Variants in WDR3 observed in about 807,000 individuals in gnomAD.
WDR3 encodes WD repeat domain 3.
Under a neutral mutation model 123.7 loss-of-function variants are expected in WDR3, and 81 were observed. That is an observed-to-expected ratio of 0.65 (90% CI 0.55 to 0.79). The LOEUF is 0.79. Ranked by LOEUF, WDR3 falls within the 30% of genes least tolerant of loss-of-function variation. The pLI is 0.00. For synonymous variants in WDR3, 390 were observed against 388.8 expected (o/e 1.00, Z -0.04); for missense variants, 1,027 against 1,123.2 (o/e 0.91, Z 1.22).
At chr1:117,954,897 G>A (rs115284676) in intron 23 of WDR3, among the ~76,000 whole-genome samples, 126 of 152,202 alleles carry the variant, frequency 8.3e-4, no homozygotes, top group African/African-American at 2.9e-3. Context: ...AAAGCCCTCT[G>A]AAGATTCTGT....
intron 25 of WDR3, among the ~76,000 whole-genome samples, chr1:117,958,078 G>C (rs770169214): frequency 1.3e-5 from 2 of 152,156 alleles, no homozygotes; most frequent in Non-Finnish European, 2.9e-5. Context: ...AGAGAACAGG[G>C]ATGGAGACAA....
In WDR3 at chr1:117,940,932, C is replaced by G; in HGVS notation, c.781C>G (p.Pro261Ala). 1.9e-6 allele frequency: 3 copies of G among 1,608,786 alleles called. No homozygotes were observed. The highest frequency in any genetic ancestry group is 2.5e-6 in the Non-Finnish European group (3 of 1,178,642). The change falls in exon 7 of 27, where the codon CCT becomes GCT. Residue 261 changes from proline to alanine, a missense_variant. Physicochemically the swap from Pro to Ala is conservative, Grantham distance 27 (BLOSUM62 -1). Transcript: ENST00000349139. ...EDGAFETDEAPEDRILSCRKA... is the reference protein window; with the variant it reads ...EDGAFETDEAAEDRILSCRKA... ...TGGTGCCTTTGAGACGGATGAAGCCCCTGAGGATGTAATTCATTTTCATTT... is the reference window on the plus strand; with the variant it reads ...TGGTGCCTTTGAGACGGATGAAGCCGCTGAGGATGTAATTCATTTTCATTT...
At chr1:117,934,086 C>T (rs1650832129) in intron 2 of WDR3, among the ~76,000 whole-genome samples, 1 of 152,100 alleles carries the variant, frequency 6.6e-6, no homozygotes. Flanking sequence ...TACTCTGTTG[C>T]CACACAGATT....
chr1:117,933,542 A>T, intron 2 of WDR3, 52 bp downstream of exon 2: 1 of 1,606,902 alleles, frequency 6.2e-7, no homozygotes, highest in Non-Finnish European at 8.5e-7. Context: ...TTGAGGATGG[A>T]GAGGTAGTAG....
chr1:117,932,134 A>C (rs1209501472), intron 1 of WDR3, among the ~76,000 whole-genome samples: 1 of 152,182 alleles, frequency 6.6e-6, no homozygotes, highest in Non-Finnish European at 1.5e-5. Context: ...TATCTCCTTC[A>C]TTCACCTCTT....
intron 9 of WDR3, 52 bp downstream of exon 9, chr1:117,941,899 A>C (rs1156264455): frequency 6.6e-7 from 1 of 1,509,588 alleles, no homozygotes; most frequent in Non-Finnish European, 8.8e-7. Context: ...GGTAGGCCCC[A>C]TGTTACTGAA....
At chr1:117,951,749 C>T (rs1177787466) in intron 16 of WDR3, among the ~76,000 whole-genome samples, 1 of 152,064 alleles carries the variant, frequency 6.6e-6, no homozygotes, top group African/African-American at 2.4e-5. Context: ...TGCCCTGTGA[C>T]AGTACGAAAG....
In WDR3 at chr1:117,940,745, A is replaced by G; in HGVS notation, c.676-82A>G. The stretch of plus-strand genomic sequence containing the variant: ...TCTGTCTCCGACAACAACAACAACA[A>G]CAACAAAACAACAACAACAACAACA... On this transcript the variant is annotated intron_variant, in intron 6 of 26. Transcript: ENST00000349139. 1.2e-5 allele frequency: 16 copies of G among 1,280,796 alleles called. No homozygotes were observed. In the South Asian group the frequency reaches 2.2e-4, roughly 18 times the overall value. The allele number at this position is 1,280,796 out of a possible 1,614,324, so 79.3% of individuals were successfully genotyped here.
At chr1:117,943,677 T>C in intron 11 of WDR3, 51 bp downstream of exon 11, 1 of 1,496,548 alleles carries the variant, frequency 6.7e-7, no homozygotes, top group Non-Finnish European at 9.1e-7. Flanking sequence ...TTTCTTTTAA[T>C]TTTTTTTGGT....
At chr1:117,943,994 C>T (rs1456121773) in intron 11 of WDR3, among the ~76,000 whole-genome samples, 2 of 152,148 alleles carry the variant, frequency 1.3e-5, no homozygotes, top group Non-Finnish European at 2.9e-5. Flanking sequence ...TACCTTGCTT[C>T]TGTTGTCAAA....
chr1:117,937,684 T>C (rs1393037703), intron 4 of WDR3, among the ~76,000 whole-genome samples: 1 of 152,198 alleles, frequency 6.6e-6, no homozygotes, highest in East Asian at 1.9e-4. Flanking sequence ...ACGGACTTTG[T>C]AAATCAGGTT....
chr1:117,964,102 G>T lies in WDR3; in HGVS notation c.*4655G>T. The T allele has an allele frequency of 1.5e-6, 1 of 669,186 alleles. No individual in the cohort carries two copies. Among genetic ancestry groups the T allele is most frequent in the Non-Finnish European group, 2.5e-6 (1 of 405,694 alleles). 41.5% of individuals were successfully genotyped at this position (669,186 alleles called of 1,614,324 possible). A position where few individuals can be genotyped will look rare whatever the true frequency, so the allele number is the denominator to read the frequency against. On this transcript the variant is annotated 3_prime_UTR_variant, in exon 27 of 27. Transcript: ENST00000349139. ...TCTGCATGCTCAGGCTTGGGGGTTA[G>T]AGGATGGATATGCCAATGTCTAGAA...
Position 117,933,342 on chromosome 1 carries a change from T to TA in WDR3, c.24dup (p.Arg9ThrfsTer5). On this transcript the variant is annotated frameshift_variant, in exon 2 of 27. Transcript: ENST00000349139. LOFTEE classifies it high-confidence loss of function. ...AACATGGGGCTCACCAAGCAGTACC[T>TA]ACGCTATGTTGCTAGTGCGGTCTTT... 1 of 1,614,218 alleles carries TA rather than the reference T, an allele frequency of 6.2e-7. No individual in the cohort carries two copies. The highest frequency in any genetic ancestry group is 8.5e-7 in the Non-Finnish European group (1 of 1,180,014).
intron 5 of WDR3, 42 bp downstream of exon 5, chr1:117,938,600 A>G: frequency 1.3e-6 from 2 of 1,555,354 alleles, no homozygotes; most frequent in Non-Finnish European, 1.8e-6. Context: ...ATGGGAAGGC[A>G]AAAGGGAAAA....
chr1:117,942,313 TG>T, intron 9 of WDR3, 123 bp from the exon 10 acceptor site: 1 of 737,052 alleles, frequency 1.4e-6, no homozygotes, highest in Non-Finnish European at 2.4e-6. Context: ...TAATCCTGTG[TG>T]GTTAAGTGAC....
intron 25 of WDR3, among the ~76,000 whole-genome samples, chr1:117,957,809 T>G (rs1403384732): frequency 6.6e-6 from 1 of 152,198 alleles, no homozygotes; most frequent in Non-Finnish European, 1.5e-5. Context: ...TGTTTTAAAG[T>G]GTTTAGTGTA....
At chr1:117,950,593 A>G (rs972428440) in intron 15 of WDR3, among the ~76,000 whole-genome samples, 8 of 152,136 alleles carry the variant, frequency 5.3e-5, no homozygotes, top group Non-Finnish European at 1.2e-4. Flanking sequence ...GATCTGACTG[A>G]GGCAGTAAGC....
chr1:117,934,526 A>C lies in WDR3; in HGVS notation c.225A>C (p.Pro75=). 1 of 1,614,170 alleles carries C rather than the reference A, an allele frequency of 6.2e-7. No individual in the cohort carries two copies. Among genetic ancestry groups the C allele is most frequent in the Middle Eastern group, 1.7e-4 (1 of 6,044 alleles). Residue 75 remains proline (P), a synonymous_variant, in exon 3 of 27, where the codon CCA becomes CCC. Coordinates refer to ENST00000349139, the MANE Select transcript of WDR3 (RefSeq NM_006784.3). ...KQEVTCLCPS[P]DGLHLAVGYE... is the part of the protein sequence containing the mutation. ...AAGTTACTTGCTTATGCCCCTCCCC[A>C]GATGGGCTACACTTAGCTGTTGGGT...
chr1:117,958,953 G>A lies in WDR3; in HGVS notation c.2626G>A (p.Val876Met), dbSNP rs777434802. 2.3e-5 allele frequency: 37 copies of A among 1,613,806 alleles called. No individual in the cohort carries two copies. Among genetic ancestry groups the A allele is most frequent in the Non-Finnish European group, 3.0e-5 (35 of 1,179,932 alleles). ...QITSNQMLVP[V>M]IEKLRETTIS... ...CACTAGCAATCAAATGCTTGTGCCA[G>A]TGATAGAAAAATTAAGGGAAACAAC... is the stretch of plus-strand genomic sequence containing the variant. The change falls in exon 26 of 27, where the codon GTG (valine) becomes ATG (methionine). Residue 876 changes from valine to methionine, a missense_variant. Val to Met is a conservative substitution (Grantham distance 21). Transcript: ENST00000349139.
Sources: allele counts gnomAD v4.1 joint callset (sites outside exome capture counted in the v4.1 genomes callset), GRCh38; gene constraint gnomAD v4.1.1; transcripts MANE v1.5; gene names NCBI Gene and HGNC (gene_info 2026-07-23, HGNC 2026-07-21).